WDR48: variants seen among roughly 807,000 people sequenced by gnomAD.
The protein encoded by WDR48 is WD repeat-containing protein 48.
In WDR48, 22 loss-of-function variants were observed where a neutral mutation model predicts 94.0. The observed-to-expected ratio is 0.23, with a 90% CI of 0.17 to 0.33. The LOEUF (loss-of-function observed/expected upper bound fraction) is 0.33, where lower values mean the gene tolerates loss of function less well. WDR48 is among the 10% of genes least tolerant of loss of function. The pLI, the probability that WDR48 is intolerant of heterozygous loss-of-function variation, is 1.00. For synonymous variants in WDR48, 278 were observed against 280.5 expected (o/e 0.99, Z 0.09); for missense variants, 541 against 813.8 (o/e 0.66, Z 4.08).
At chr3:39,064,055 T>C (rs529222085) in intron 2 of WDR48, among the ~76,000 whole-genome samples, 1 of 152,330 alleles carries the variant, frequency 6.6e-6, no homozygotes, top group South Asian at 2.1e-4. Flanking sequence ...GGTTTAAATA[T>C]GTGTAAAGAT....
intron 2 of WDR48, 135 bp downstream of exon 2, chr3:39,063,325 G>A (rs550414601): frequency 4.6e-5 from 52 of 1,131,596 alleles, no homozygotes; most frequent in Non-Finnish European, 4.5e-5. Flanking sequence ...TAAAGACATC[G>A]CAACCAGAAT....
intron 10 of WDR48, among the ~76,000 whole-genome samples, chr3:39,078,812 CGA>C (rs1179592126): frequency 1.3e-5 from 2 of 151,514 alleles, no homozygotes; most frequent in Non-Finnish European, 3.0e-5. Context: ...GGGCGGATCA[CGA>C]GGTCAGGAGA....
At chr3:39,067,024 T>G in intron 5 of WDR48, 149 bp downstream of exon 5, 1 of 919,338 alleles carries the variant, frequency 1.1e-6, no homozygotes, top group Non-Finnish European at 1.6e-6. Context: ...CCCCCAAGAG[T>G]ATGATTGAAC....
At chr3:39,052,406 C>T (rs1479186909) in intron 1 of WDR48, 1 of 271,318 alleles carries the variant, frequency 3.7e-6, no homozygotes, top group Non-Finnish European at 7.1e-6. Context: ...CCCTGTCTTT[C>T]TTCGAAGCGC....
intron 7 of WDR48, among the ~76,000 whole-genome samples, chr3:39,074,248 C>A (rs552117097): frequency 6.6e-6 from 1 of 152,174 alleles, no homozygotes; most frequent in African/African-American, 2.4e-5. Context: ...GTAGAGAGGA[C>A]AAAGGCAGTT....
intron 1 of WDR48, among the ~76,000 whole-genome samples, chr3:39,058,414 CAG>C (rs2033037627): frequency 6.6e-6 from 1 of 152,192 alleles, no homozygotes; most frequent in African/African-American, 2.4e-5. Flanking sequence ...CTGGTTTTAA[CAG>C]TAATTACTTT....
At chr3:39,064,685 C>T (rs528257157) in intron 2 of WDR48, among the ~76,000 whole-genome samples, 1 of 152,212 alleles carries the variant, frequency 6.6e-6, no homozygotes, top group Admixed American at 6.5e-5. Flanking sequence ...AGTGCTAGAC[C>T]TTGTATTTTT....
At chr3:39,085,078 T>C (rs2034741728) in intron 13 of WDR48, among the ~76,000 whole-genome samples, 1 of 152,056 alleles carries the variant, frequency 6.6e-6, no homozygotes, top group South Asian at 2.1e-4. Context: ...ATACAAAAAA[T>C]TAGCCGGGCG....
intron 1 of WDR48, 46 bp from the exon 2 acceptor site, chr3:39,063,004 G>T (rs377365686): frequency 6.5e-5 from 104 of 1,603,990 alleles, no homozygotes; most frequent in Non-Finnish European, 8.3e-5. Context: ...TTTTATTACT[G>T]CATGGCTTGT....
At chr3:39,092,861 C>G (rs2035151243) in intron 17 of WDR48, among the ~76,000 whole-genome samples, 1 of 147,688 alleles carries the variant, frequency 6.8e-6, no homozygotes, top group African/African-American at 2.6e-5. Context: ...ACCTGCCCTC[C>G]CACCCATCTC....
At chr3:39,086,560 C>G (rs968388335) in intron 14 of WDR48, among the ~76,000 whole-genome samples, 4 of 152,208 alleles carry the variant, frequency 2.6e-5, no homozygotes, top group Non-Finnish European at 5.9e-5. Flanking sequence ...TTTACATCAC[C>G]TGACACACTT....
chr3:39,077,631 T>G (rs1412786780), intron 9 of WDR48, among the ~76,000 whole-genome samples: 2 of 152,208 alleles, frequency 1.3e-5, no homozygotes, highest in East Asian at 3.8e-4. Flanking sequence ...TTAGTTTTCT[T>G]TTTCCTCATA....
At chr3:39,086,106 G>A (rs1355448642) in intron 14 of WDR48, among the ~76,000 whole-genome samples, 1 of 152,152 alleles carries the variant, frequency 6.6e-6, no homozygotes, top group East Asian at 1.9e-4. Context: ...GAAGTGACAG[G>A]GCATATGCTC....
intron 3 of WDR48, 124 bp from the exon 4 acceptor site, chr3:39,066,424 G>T (rs1235047310): frequency 7.5e-6 from 6 of 798,066 alleles, no homozygotes; most frequent in African/African-American, 7.0e-5. Context: ...GAGCTTTTAG[G>T]TATGTTTGTG....
intron 8 of WDR48, among the ~76,000 whole-genome samples, chr3:39,076,271 A>G (rs2034220352): frequency 6.6e-6 from 1 of 152,234 alleles, no homozygotes; most frequent in Non-Finnish European, 1.5e-5. Context: ...AATGGACCGA[A>G]CCAGTAATCC....
At chr3:39,075,763 G>A (rs1020999024) in intron 8 of WDR48, among the ~76,000 whole-genome samples, 9 of 151,218 alleles carry the variant, frequency 6.0e-5, no homozygotes, top group African/African-American at 1.5e-4. Flanking sequence ...ATGCGATCTC[G>A]GCTCACTGCA....
Position 39,084,709 on chromosome 3 carries a change from G to C in WDR48, c.1346G>C (p.Gly449Ala). ...GCCTGGGTTTCTGCAAAAGATGCTGGTTTCAGCAGCCCTGATGGGTCAGAT... is the reference window on the plus strand; with the variant it reads ...GCCTGGGTTTCTGCAAAAGATGCTGCTTTCAGCAGCCCTGATGGGTCAGAT... The part of the protein sequence containing the change: ...FAAWVSAKDA[G>A]FSSPDGSDPK... Residue 449 changes from glycine to alanine, a missense_variant, in exon 13 of 19, where the codon GGT (glycine) becomes GCT (alanine). This residue lies in a region of WDR48 where 238 missense variants were observed against 285.3 expected (regional missense o/e 0.83). Transcript: ENST00000302313. The C allele has an allele frequency of 6.2e-7, 1 of 1,613,692 alleles. No individual in the cohort carries two copies. Among genetic ancestry groups the C allele is most frequent in the Non-Finnish European group, 8.5e-7 (1 of 1,179,810 alleles).
intron 1 of WDR48, 105 bp downstream of exon 1, chr3:39,052,178 G>T (rs1394241076): frequency 2.8e-6 from 4 of 1,420,960 alleles, no homozygotes; most frequent in Non-Finnish European, 3.9e-6. Context: ...AGCGGCATGG[G>T]GCGAACGGGG....
At chr3:39,093,497 A>G (rs2035192959) in intron 17 of WDR48, among the ~76,000 whole-genome samples, 1 of 152,042 alleles carries the variant, frequency 6.6e-6, no homozygotes, top group African/African-American at 2.4e-5. Context: ...ATGCCCAGCT[A>G]ATTTTTTGTA....
Sources: gnomAD v4.1 joint callset for allele counts (sites outside exome capture counted in the v4.1 genomes callset) on GRCh38, gnomAD v4.1.1 for gene constraint, gnomAD v4.1.1 regional missense constraint, MANE v1.5 for transcripts, NCBI Gene and HGNC (gene_info 2026-07-23, HGNC 2026-07-21) for gene names.